The following ZNF516 variants were observed in gnomAD, a reference collection of about 807,000 sequenced individuals.
ZNF516 encodes zinc finger protein 516.
Under a neutral mutation model 79.7 loss-of-function variants are expected in ZNF516, and 19 were observed. The observed-to-expected ratio is 0.24, with a 90% CI of 0.17 to 0.35. The LOEUF is 0.35. ZNF516 is among the 10% of genes least tolerant of loss of function. ZNF516 has a pLI of 1.00. For missense variants in ZNF516, 1,678 were observed against 1,679.5 expected (o/e 1.00, Z 0.02); for synonymous variants, 877 against 739.5 (o/e 1.19, Z -3.02).
At chr18:76,462,172 C>A (rs530992090) in intron 2 of ZNF516, among the ~76,000 whole-genome samples, 1 of 152,312 alleles carries the variant, frequency 6.6e-6, no homozygotes, top group South Asian at 2.1e-4. Context: ...ACGGGACACA[C>A]TTCCACGCCA....
intron 3 of ZNF516, among the ~76,000 whole-genome samples, chr18:76,428,451 T>G (rs2075623008): frequency 6.6e-6 from 1 of 150,956 alleles, no homozygotes; most frequent in South Asian, 2.1e-4. Flanking sequence ...GTTGTCAGCA[T>G]GTTTACTGCA....
intron 3 of ZNF516, among the ~76,000 whole-genome samples, chr18:76,394,603 TG>T (rs1213118241): frequency 0.79 from 108 of 136 alleles, 51 homozygotes; most frequent in East Asian, 1. Flanking sequence ...GGTGGTCAGG[TG>T]GGGGGAAGGC....
intron 1 of ZNF516, among the ~76,000 whole-genome samples, chr18:76,463,793 G>A (rs964168135): frequency 1.3e-5 from 2 of 152,202 alleles, no homozygotes; most frequent in East Asian, 1.9e-4. Flanking sequence ...AGACTTGAAA[G>A]TCATTCCAAA....
At chr18:76,424,570 TTCCCCCGAAACACACGCAGGTGAAAAGGC>T (rs2075563895) in intron 3 of ZNF516, among the ~76,000 whole-genome samples, 5 of 57,284 alleles carry the variant, frequency 8.7e-5, no homozygotes, top group African/African-American at 2.9e-4. Flanking sequence ...GGTGAAAAGG[TTCCCCCGAAACACACGCAGGTGAAAAGGC>T]TCCCCCGAAA....
At position 76,441,956 on chromosome 18, in the gene ZNF516, C is replaced by T; in HGVS notation, c.1099G>A (p.Ala367Thr). 5.0e-6 allele frequency: 8 copies of T among 1,612,014 alleles called. No homozygotes were observed. The highest frequency in any genetic ancestry group is 5.9e-6 in the Non-Finnish European group (7 of 1,179,562). Residue 367 changes from alanine to threonine, a missense_variant, in exon 3 of 7, where the codon GCC (alanine) becomes ACC (threonine). Physicochemically the swap from Ala to Thr is moderately conservative, Grantham distance 58. Around this residue, in one of 5 missense-constraint regions of ZNF516, gnomAD observed 1,294 missense variants for 1,248.3 expected, o/e 1.04. Transcript: ENST00000443185. The stretch of plus-strand genomic sequence containing the variant: ...CCCTCCGCCCCCTCCTCGGCCGGGG[C>T]GCGCGTGCGGCTGGCCTCGACTCTG... ...HRRVEASRTR[A>T]PAEEGAEGPS...
At chr18:76,479,515 C>T (rs1914373678) in intron 1 of ZNF516, among the ~76,000 whole-genome samples, 2 of 152,224 alleles carry the variant, frequency 1.3e-5, no homozygotes, top group African/African-American at 2.4e-5. Flanking sequence ...CTGGGGCAGG[C>T]TGGCTTCCCC....
chr18:76,361,738 T>C lies in ZNF516; in HGVS notation c.*760A>G, dbSNP rs2074540019. The C allele has an allele frequency of 6.6e-6, 1 of 152,382 alleles. No individual in the cohort carries two copies. The highest frequency in any genetic ancestry group is 1.9e-4 in the East Asian group (1 of 5,190). 9.4% of individuals were successfully genotyped at this position (152,382 alleles called of 1,614,324 possible). A position where few individuals can be genotyped will look rare whatever the true frequency, so the allele number is the denominator to read the frequency against. On this transcript the variant is annotated 3_prime_UTR_variant, in exon 7 of 7. Coordinates refer to ENST00000443185, the MANE Select transcript of ZNF516 (RefSeq NM_014643.4). Reference sequence around the variant, plus strand: ...AACAAGAAGCCTGCTTTTCTTAGTGTTGCGCTAGCTCTCTTCCGAGGCGGA... The same window carrying C: ...AACAAGAAGCCTGCTTTTCTTAGTGCTGCGCTAGCTCTCTTCCGAGGCGGA...
intron 2 of ZNF516, among the ~76,000 whole-genome samples, chr18:76,460,769 A>G (rs1568312332): frequency 6.6e-6 from 1 of 152,224 alleles, no homozygotes; most frequent in Non-Finnish European, 1.5e-5. Flanking sequence ...AAAAAGCTAC[A>G]GTGAAAATAA....
At chr18:76,490,910 C>A in intron 1 of ZNF516, 1 of 985,608 alleles carries the variant, frequency 1.0e-6, no homozygotes, top group Non-Finnish European at 1.2e-6. Context: ...GTCCACAGAG[C>A]CATCCCCGGC....
At chr18:76,484,956 A>G (rs919291426) in intron 1 of ZNF516, among the ~76,000 whole-genome samples, 1 of 152,200 alleles carries the variant, frequency 6.6e-6, no homozygotes, top group African/African-American at 2.4e-5. Flanking sequence ...TCCTACCACT[A>G]AACCACTAAT....
chr18:76,417,561 C>A (rs2075448256), intron 3 of ZNF516, among the ~76,000 whole-genome samples: 1 of 152,148 alleles, frequency 6.6e-6, no homozygotes, highest in Non-Finnish European at 1.5e-5. Flanking sequence ...AAGTAATCTT[C>A]CATAAAAACC....
chr18:76,399,193 C>T (rs2145201220), intron 3 of ZNF516, among the ~76,000 whole-genome samples: 1 of 152,300 alleles, frequency 6.6e-6, no homozygotes, highest in South Asian at 2.1e-4. Context: ...CAACAACAGG[C>T]ATTTATCTGC....
chr18:76,400,567 G>C (rs1263881116), intron 3 of ZNF516, among the ~76,000 whole-genome samples: 2 of 152,224 alleles, frequency 1.3e-5, no homozygotes, highest in Non-Finnish European at 1.5e-5. Context: ...ACTTGGTTGA[G>C]TGTGGATTAT....
chr18:76,454,712 G>A (rs1316953000), intron 2 of ZNF516, among the ~76,000 whole-genome samples: 1 of 152,156 alleles, frequency 6.6e-6, no homozygotes, highest in Non-Finnish European at 1.5e-5. Flanking sequence ...CACACTTAAT[G>A]ACACATTACT....
Position 76,379,040 on chromosome 18 carries a change from G to A in ZNF516, c.3074C>T (p.Ala1025Val), listed in dbSNP as rs1325103617. The A allele has an allele frequency of 1.2e-6, 2 of 1,610,894 alleles. No individual in the cohort carries two copies. Among genetic ancestry groups the A allele is most frequent in the South Asian group, 1.1e-5 (1 of 91,008 alleles). ...AGCCACGCCGGGCTGGGCCTGCAAG[G>A]CCGCGTCGCCCCTGGACCCCGCAGC... is the stretch of plus-strand genomic sequence containing the variant. ...TCAAGSRGDA[A>V]LQAQPGVAGA... The change falls in exon 4 of 7, where the codon GCC (alanine) becomes GTC (valine). Residue 1025 changes from alanine (A) to valine (V), a missense_variant. By Grantham distance (64) the Ala-to-Val change is moderately conservative (BLOSUM62 0). This residue lies in a region of ZNF516 where 1,294 missense variants were observed against 1,248.3 expected (regional missense o/e 1.04). Coordinates refer to ENST00000443185, the MANE Select transcript of ZNF516 (RefSeq NM_014643.4).
intron 1 of ZNF516, among the ~76,000 whole-genome samples, chr18:76,479,812 C>T (rs690419): frequency 2.0e-5 from 3 of 152,200 alleles, no homozygotes; most frequent in East Asian, 1.9e-4. Flanking sequence ...CCCGAAGAGA[C>T]GCCTCCCCTC....
chr18:76,431,961 C>T (rs1031107230), intron 3 of ZNF516, among the ~76,000 whole-genome samples: 28 of 152,358 alleles, frequency 1.8e-4, no homozygotes, highest in African/African-American at 6.0e-4. Context: ...GGCGGCCCCG[C>T]CCACCACTGC....
chr18:76,472,872 TG>T (rs2145735687), intron 1 of ZNF516, among the ~76,000 whole-genome samples: 1 of 152,308 alleles, frequency 6.6e-6, no homozygotes, highest in African/African-American at 2.4e-5. Context: ...TTACCTGTCT[TG>T]AAATAAAAAC....
intron 4 of ZNF516, among the ~76,000 whole-genome samples, chr18:76,375,112 C>A (rs1001787171): frequency 1.3e-5 from 2 of 152,200 alleles, no homozygotes; most frequent in African/African-American, 4.8e-5. Context: ...TAACAGAAAT[C>A]GAGTCTCTGT....
Sources: gnomAD v4.1 joint callset for allele counts (sites outside exome capture counted in the v4.1 genomes callset) on GRCh38, gnomAD v4.1.1 for gene constraint, gnomAD v4.1.1 regional missense constraint, MANE v1.5 for transcripts, NCBI Gene and HGNC (gene_info 2026-07-23, HGNC 2026-07-21) for gene names.